PTPRN2: variants seen among roughly 807,000 people sequenced by gnomAD.
PTPRN2 encodes the protein protein tyrosine phosphatase receptor type N2, also known as receptor-type tyrosine-protein phosphatase N2.
In PTPRN2, 74 loss-of-function variants were observed where a neutral mutation model predicts 118.8. The ratio of observed to expected loss-of-function variants is 0.62; its 90% CI spans 0.52 to 0.76. The LOEUF (loss-of-function observed/expected upper bound fraction) is 0.76. Ranked by LOEUF, PTPRN2 falls within the 30% of genes least tolerant of loss-of-function variation. The pLI, the probability that PTPRN2 is intolerant of heterozygous loss-of-function variation, is 0.00. For synonymous variants in PTPRN2, 641 were observed against 608.0 expected (o/e 1.05, Z -0.80); for missense variants, 1,481 against 1,394.4 (o/e 1.06, Z -0.99).
chr7:157,772,290 A>AACACACAGACATACACACAGACAT (rs150741232), intron 12 of PTPRN2, among the ~76,000 whole-genome samples: 1 of 121,416 alleles, frequency 8.2e-6, no homozygotes, highest in African/African-American at 2.9e-5. Flanking sequence ...CAGACACACA[A>AACACACAGACATACACACAGACAT]ACACACAGAC....
intron 5 of PTPRN2, among the ~76,000 whole-genome samples, chr7:158,168,695 C>T (rs1157158903): frequency 6.6e-6 from 1 of 152,142 alleles, no homozygotes; most frequent in Non-Finnish European, 1.5e-5. Context: ...TAGTCAATGC[C>T]CTGGCTAACA....
intron 10 of PTPRN2, 105 bp from the exon 11 acceptor site, chr7:158,081,482 T>A: frequency 1.8e-6 from 2 of 1,090,450 alleles, no homozygotes; most frequent in South Asian, 1.3e-5. Flanking sequence ...AACGCAAACA[T>A]CCAAGGCCGC....
At position 158,171,316 on chromosome 7, in the gene PTPRN2, T is replaced by TATACATACATAC. The variant is rs1554571682; in HGVS notation, c.550-4026_550-4025insGTATGTATGTAT. Among the ~76,000 whole-genome samples the TATACATACATAC allele has an allele frequency of 2.3e-3, 209 of 92,064 alleles. 18 individuals carry two copies. The highest frequency in any genetic ancestry group is 7.8e-3 in the African/African-American group (165 of 21,222). 60.4% of individuals were successfully genotyped at this position (92,064 alleles called of 152,430 possible). A position where few individuals can be genotyped will look rare whatever the true frequency, so the allele number is the denominator to read the frequency against. On this transcript the variant is annotated intron_variant, in intron 5 of 22. Transcript: ENST00000389418. ...ACACATATATATACACACATATATA[T>TATACATACATAC]ATATATATATATATATATATATATA...
chr7:158,264,830 C>T (rs533285081), intron 3 of PTPRN2, among the ~76,000 whole-genome samples: 8 of 152,328 alleles, frequency 5.3e-5, no homozygotes, highest in South Asian at 4.1e-4. Flanking sequence ...CTGCTTCTCA[C>T]GTGGGGTCCC....
chr7:158,220,763 G>A (rs1828297118), intron 3 of PTPRN2, among the ~76,000 whole-genome samples: 1 of 151,064 alleles, frequency 6.6e-6, no homozygotes, highest in African/African-American at 2.4e-5. Flanking sequence ...AATCAATATT[G>A]TTAAAATGGT....
At chr7:158,131,739 TCATA>T (rs1818326760) in intron 9 of PTPRN2, among the ~76,000 whole-genome samples, 1 of 77,454 alleles carries the variant, frequency 1.3e-5, no homozygotes, top group Non-Finnish European at 2.7e-5. Flanking sequence ...CCCAACACAC[TCATA>T]CACACACATG....
At chr7:158,240,629 A>G (rs1795853965) in intron 3 of PTPRN2, among the ~76,000 whole-genome samples, 1 of 152,142 alleles carries the variant, frequency 6.6e-6, no homozygotes, top group Non-Finnish European at 1.5e-5. Context: ...GGGTTTCACC[A>G]TGTTGGCCAG....
intron 3 of PTPRN2, among the ~76,000 whole-genome samples, 178 bp from the exon 4 acceptor site, chr7:158,205,451 C>T (rs939667235): frequency 6.6e-6 from 1 of 152,192 alleles, no homozygotes; most frequent in African/African-American, 2.4e-5. Context: ...CTTTCTGAAA[C>T]TTCTAGGCCA....
chr7:158,541,375 TA>T lies in PTPRN2; in HGVS notation c.112+46182del. 5 of 1,288,998 alleles carry T rather than the reference TA, an allele frequency of 3.9e-6. No homozygotes were observed. In the South Asian group the frequency reaches 6.1e-5, roughly 16 times the overall value. 79.8% of individuals were successfully genotyped at this position (1,288,998 alleles called of 1,614,324 possible). ...CCTACAAACCTAACTTGTTGTTTTC[TA>T]AAATTAAGGCCAAAATGCCAGCAAA... On this transcript the variant is annotated intron_variant, in intron 1 of 22. Transcript: ENST00000389418.
rs1292994223 is a variant in PTPRN2, at chr7:157,987,206, G to T, written c.1724-88469C>A. ...TCTTCCTGGGATTAGGAAGCACGAA[G>T]TGTCCAGATCTGCTTCTGAAATCTC... On this transcript the variant is annotated intron_variant, in intron 11 of 22. Transcript: ENST00000389418. The surrounding 1 kb of genome is among the most constrained non-coding windows in gnomAD (Gnocchi z 4.3). Among the ~76,000 whole-genome samples, 1 of 152,168 alleles carries T rather than the reference G, an allele frequency of 6.6e-6. No individual in the cohort carries two copies. The highest frequency in any genetic ancestry group is 1.5e-5 in the Non-Finnish European group (1 of 68,042).
In PTPRN2 at chr7:157,944,802, G is replaced by C. The variant is rs1024456801; in HGVS notation, c.1724-46065C>G. Among the ~76,000 whole-genome samples, 1 of 152,202 alleles carries C rather than the reference G, an allele frequency of 6.6e-6. No individual in the cohort carries two copies. The highest frequency in any genetic ancestry group is 2.4e-5 in the African/African-American group (1 of 41,450). Reference sequence around the variant, plus strand: ...TGGGACAGGCAGCCGCACCTGGCCAGCTCTGCCCTTGCTCATCAGCTGGGA... The same window carrying C: ...TGGGACAGGCAGCCGCACCTGGCCACCTCTGCCCTTGCTCATCAGCTGGGA... On this transcript the variant is annotated intron_variant, in intron 11 of 22. Coordinates refer to ENST00000389418, the MANE Select transcript of PTPRN2 (RefSeq NM_002847.5). The surrounding 1 kb of genome is among the most constrained non-coding windows in gnomAD (Gnocchi z 4.3).
chr7:157,661,266 T>C (rs1795871680), intron 13 of PTPRN2, among the ~76,000 whole-genome samples: 1 of 152,250 alleles, frequency 6.6e-6, no homozygotes, highest in Non-Finnish European at 1.5e-5. Flanking sequence ...GAAACTGCGA[T>C]AAAGATCCAA....
chr7:157,931,391 G>A (rs1035735155), intron 11 of PTPRN2, among the ~76,000 whole-genome samples: 1 of 152,228 alleles, frequency 6.6e-6, no homozygotes, highest in Non-Finnish European at 1.5e-5. Context: ...GTTTGGCCCG[G>A]GAAAGGGCAG....
chr7:158,541,743 A>G, intron 1 of PTPRN2: 3 of 1,200,464 alleles, frequency 2.5e-6, no homozygotes, highest in Non-Finnish European at 3.2e-6. Context: ...GCCGCAGCTC[A>G]GAACCCAAAA....
At position 157,552,792 on chromosome 7, in the gene PTPRN2, G is replaced by C. The variant is rs185975700; in HGVS notation, c.2903-3773C>G. Among the ~76,000 whole-genome samples the C allele has an allele frequency of 3.8e-3, 572 of 152,356 alleles. 4 individuals are homozygous for C. Among genetic ancestry groups the C allele is most frequent in the African/African-American group, 0.013 (544 of 41,580 alleles). On this transcript the variant is annotated intron_variant, in intron 21 of 22. Transcript: ENST00000389418. The stretch of plus-strand genomic sequence containing the variant: ...GCTCGGGCTACAGTGCTGAGGTGTG[G>C]GTTTCCGCTCCGCGTGCCTATGCTG...
At chr7:158,506,264 C>T (rs2129446676) in intron 1 of PTPRN2, among the ~76,000 whole-genome samples, 1 of 152,312 alleles carries the variant, frequency 6.6e-6, no homozygotes, top group African/African-American at 2.4e-5. Flanking sequence ...GTCCCCTCTC[C>T]CCGGAGGTGC....
chr7:158,174,288 A>G (rs1823981933), intron 5 of PTPRN2, among the ~76,000 whole-genome samples: 1 of 151,950 alleles, frequency 6.6e-6, no homozygotes, highest in Non-Finnish European at 1.5e-5. Context: ...ACCATCAACA[A>G]TATCATCTCC....
intron 1 of PTPRN2, among the ~76,000 whole-genome samples, chr7:158,567,238 C>T (rs1827719881): frequency 6.6e-6 from 1 of 152,178 alleles, no homozygotes; most frequent in African/African-American, 2.4e-5. Flanking sequence ...GCCCCATTGC[C>T]CTCACGGGCC....
chr7:157,592,963 G>A (rs180712288), intron 17 of PTPRN2, among the ~76,000 whole-genome samples: 2 of 138,548 alleles, frequency 1.4e-5, no homozygotes, highest in Non-Finnish European at 1.5e-5. Flanking sequence ...GGGTGGATGT[G>A]GGCATCATCG....
Sources: allele counts gnomAD v4.1 joint callset (sites outside exome capture counted in the v4.1 genomes callset), GRCh38; gene constraint gnomAD v4.1.1; non-coding constraint Gnocchi (gnomAD v3.1); transcripts MANE v1.5; gene names NCBI Gene and HGNC (gene_info 2026-07-23, HGNC 2026-07-21).